RGS7: variants seen among roughly 807,000 people sequenced by gnomAD.
The protein encoded by RGS7 is regulator of G protein signaling 7, also known as regulator of G-protein signaling 7.
A neutral mutation model predicts 81.1 loss-of-function variants in RGS7; 27 were observed. That is an observed-to-expected ratio of 0.33 (90% confidence interval 0.25 to 0.46). RGS7 has a LOEUF of 0.46. Ranked by LOEUF, RGS7 falls within the 20% of genes least tolerant of loss-of-function variation. The pLI, the probability that RGS7 is intolerant of heterozygous loss-of-function variation, is 1.00. For synonymous variants in RGS7, 208 were observed against 207.7 expected (o/e 1.00, Z -0.01); for missense variants, 396 against 607.4 (o/e 0.65, Z 3.66).
intron 2 of RGS7, among the ~76,000 whole-genome samples, chr1:241,118,109 T>C (rs1390223414): frequency 6.6e-6 from 1 of 152,230 alleles, no homozygotes; most frequent in African/African-American, 2.4e-5. Context: ...TCTATTCCAC[T>C]GAATAAAAAT....
At chr1:240,802,857 T>C (rs1308548746) in intron 16 of RGS7, 47 bp downstream of exon 16, 1 of 1,198,724 alleles carries the variant, frequency 8.3e-7, no homozygotes, top group East Asian at 2.3e-5. Flanking sequence ...CAAATAATTA[T>C]AACTGAGAAC....
At chr1:240,998,634 G>A in intron 3 of RGS7, 2 of 963,046 alleles carry the variant, frequency 2.1e-6, no homozygotes, top group South Asian at 1.3e-5. Flanking sequence ...TCCCCATGTT[G>A]ACTTTGGCCA....
At chr1:240,946,591 C>T (rs1418613075) in intron 4 of RGS7, among the ~76,000 whole-genome samples, 1 of 152,018 alleles carries the variant, frequency 6.6e-6, no homozygotes, top group Non-Finnish European at 1.5e-5. Context: ...CAGAGTAAGA[C>T]CCCCTCTTTA....
chr1:241,154,591 G>A (rs2068981265), intron 2 of RGS7, among the ~76,000 whole-genome samples: 1 of 152,242 alleles, frequency 6.6e-6, no homozygotes, highest in Non-Finnish European at 1.5e-5. Flanking sequence ...CTGGGTTAGG[G>A]TGTCTCCCCG....
chr1:240,880,651 G>T lies in RGS7; in HGVS notation c.386-10532C>A, dbSNP rs533288317. On this transcript the variant is annotated intron_variant, in intron 6 of 18. Coordinates refer to ENST00000440928, the MANE Select transcript of RGS7 (RefSeq NM_001364886.1). ...CCTAAGAAACCTTGCTCCAAGATGG[G>T]GAAAGCCTTTCTGCCCTCCCAGGAC... is the stretch of plus-strand genomic sequence containing the variant. Among the ~76,000 whole-genome samples, 3 of 152,214 alleles carry T rather than the reference G, an allele frequency of 2.0e-5. No individual in the cohort carries two copies. In the East Asian group the frequency reaches 5.8e-4, roughly 29 times the overall value.
chr1:241,182,885 G>A (rs2071754955), intron 2 of RGS7, among the ~76,000 whole-genome samples: 1 of 150,816 alleles, frequency 6.6e-6, no homozygotes, highest in Non-Finnish European at 1.5e-5. Flanking sequence ...TGTTGGCCAG[G>A]CTGGTCTCAA....
At chr1:240,944,282 G>GTGTGTATATATA (rs1352421845) in intron 4 of RGS7, among the ~76,000 whole-genome samples, 1 of 55,818 alleles carries the variant, frequency 1.8e-5, no homozygotes, top group South Asian at 7.3e-4. Context: ...GTGTGTGTGT[G>GTGTGTATATATA]TATATATATA....
At position 240,830,832 on chromosome 1, in the gene RGS7, T is replaced by C. The variant is rs139659674; in HGVS notation, c.610-3660A>G. Among the ~76,000 whole-genome samples, 952 of 152,314 alleles carry C rather than the reference T, an allele frequency of 6.3e-3. 14 individuals are homozygous for C. The highest frequency in any genetic ancestry group is 0.021 in the African/African-American group (879 of 41,570). On this transcript the variant is annotated intron_variant, in intron 9 of 18. Transcript: ENST00000440928. Reference sequence around the variant, plus strand: ...ATGGCCCTGGAAATCGTGTCAACCATTGAAGGCATAAAGTGGAAAGATTCC... The same window carrying C: ...ATGGCCCTGGAAATCGTGTCAACCACTGAAGGCATAAAGTGGAAAGATTCC...
intron 2 of RGS7, among the ~76,000 whole-genome samples, chr1:241,269,406 A>C (rs1383413262): frequency 6.6e-6 from 1 of 152,254 alleles, no homozygotes; most frequent in Non-Finnish European, 1.5e-5. Flanking sequence ...CGTTCCGTCC[A>C]TCCCAGAGGG....
intron 6 of RGS7, among the ~76,000 whole-genome samples, chr1:240,918,841 T>C (rs1673019486): frequency 6.6e-6 from 1 of 151,038 alleles, no homozygotes; most frequent in South Asian, 2.1e-4. Context: ...GCCAGGCTAA[T>C]TAAGAAAAAA....
chr1:240,974,765 A>G (rs1269532649), intron 4 of RGS7, among the ~76,000 whole-genome samples: 1 of 152,234 alleles, frequency 6.6e-6, no homozygotes, highest in South Asian at 2.1e-4. Flanking sequence ...AAAAAATTCA[A>G]TTCAGTTAAA....
intron 2 of RGS7, among the ~76,000 whole-genome samples, chr1:241,302,957 A>C (rs1390317441): frequency 6.7e-6 from 1 of 150,138 alleles, no homozygotes; most frequent in East Asian, 1.9e-4. Flanking sequence ...TGCTCAGCCA[A>C]AGAGAAACTG....
At chr1:240,986,178 G>A (rs548554243) in intron 3 of RGS7, among the ~76,000 whole-genome samples, 70 of 152,174 alleles carry the variant, frequency 4.6e-4, no homozygotes, top group Middle Eastern at 3.4e-3. Context: ...TTTGTGCTCC[G>A]TCTGCTCAGC....
chr1:241,059,993 T>C (rs1417964552), intron 3 of RGS7, among the ~76,000 whole-genome samples: 3 of 151,808 alleles, frequency 2.0e-5, no homozygotes. Flanking sequence ...ATCAACATCA[T>C]CACCTAAGTC....
chr1:240,849,336 T>G (rs1315351971), intron 9 of RGS7, among the ~76,000 whole-genome samples: 1 of 152,200 alleles, frequency 6.6e-6, no homozygotes, highest in Admixed American at 6.5e-5. Context: ...CATCCTGAGT[T>G]AGTGGAAGGA....
chr1:241,052,841 G>C (rs1303020038), intron 3 of RGS7, among the ~76,000 whole-genome samples: 3 of 151,758 alleles, frequency 2.0e-5, no homozygotes, highest in African/African-American at 7.3e-5. Flanking sequence ...TGAATAGAAA[G>C]CAGCTGTATA....
intron 3 of RGS7, among the ~76,000 whole-genome samples, chr1:240,983,633 A>G (rs959866745): frequency 1.3e-5 from 2 of 152,132 alleles, no homozygotes; most frequent in Non-Finnish European, 2.9e-5. Context: ...ATGTCTTCCC[A>G]CTATTTTTAA....
rs190423130 is a variant in RGS7 at position 240,808,809 on chromosome 1, A to T, written c.1083-2483T>A. Among the ~76,000 whole-genome samples, 887 of 152,156 alleles carry T rather than the reference A, an allele frequency of 5.8e-3. 6 individuals carry two copies. Among genetic ancestry groups the T allele is most frequent in the African/African-American group, 0.019 (786 of 41,508 alleles). On this transcript the variant is annotated intron_variant, in intron 14 of 18. Transcript: ENST00000440928. ...AGGATCAGTTGAGCCCAGGATTTCA[A>T]GGCTGCTATGAGCTATGACAGTGTC...
intron 9 of RGS7, among the ~76,000 whole-genome samples, chr1:240,853,729 C>G (rs1243556681): frequency 6.6e-6 from 1 of 151,580 alleles, no homozygotes; most frequent in Non-Finnish European, 1.5e-5. Context: ...GGTGAAACCC[C>G]GTCTCTACTA....
Sources: gnomAD v4.1 joint callset for allele counts (sites outside exome capture counted in the v4.1 genomes callset) on GRCh38, gnomAD v4.1.1 for gene constraint, MANE v1.5 for transcripts, NCBI Gene and HGNC (gene_info 2026-07-23, HGNC 2026-07-21) for gene names.